Variants in PSME3IP1 observed in about 807,000 individuals in gnomAD.
The protein encoded by PSME3IP1 is proteasome activator subunit 3 interacting protein 1.
A neutral mutation model predicts 34.1 loss-of-function variants in PSME3IP1; 13 were observed. That is an observed-to-expected ratio of 0.38 (90% CI 0.25 to 0.61). The LOEUF (loss-of-function observed/expected upper bound fraction) is 0.61. PSME3IP1 is among the 20% of genes least tolerant of loss of function. PSME3IP1 has a pLI of 0.60. For synonymous variants in PSME3IP1, 93 were observed against 114.3 expected (o/e 0.81, Z 1.19); for missense variants, 237 against 301.4 (o/e 0.79, Z 1.58).
At chr16:57,169,429 A>G (rs751073805) in intron 4 of PSME3IP1, among the ~76,000 whole-genome samples, 14 of 152,212 alleles carry the variant, frequency 9.2e-5, no homozygotes, top group Non-Finnish European at 1.9e-4. Context: ...TAATCCTTCA[A>G]TTCCTATCTC....
chr16:57,176,238 T>A (rs1469242684), intron 1 of PSME3IP1, among the ~76,000 whole-genome samples: 2 of 152,218 alleles, frequency 1.3e-5, no homozygotes, highest in Non-Finnish European at 2.9e-5. Flanking sequence ...GGGAGAGACA[T>A]TCCGAACCCT....
chr16:57,178,441 T>C (rs1328831222), intron 1 of PSME3IP1: 1 of 580,496 alleles, frequency 1.7e-6, no homozygotes, highest in Non-Finnish European at 2.2e-6. Flanking sequence ...GCTCTTTGTC[T>C]CCACAGTGCT....
chr16:57,174,885 C>T (rs569215977), intron 1 of PSME3IP1: 150 of 161,220 alleles, frequency 9.3e-4, no homozygotes, highest in Non-Finnish European at 1.4e-3. Context: ...TTTCTCACTC[C>T]CACAATCACC....
chr16:57,180,488 G>A (rs1391868165), intron 1 of PSME3IP1, among the ~76,000 whole-genome samples: 2 of 152,156 alleles, frequency 1.3e-5, no homozygotes, highest in Non-Finnish European at 2.9e-5. Flanking sequence ...TACCTGGGAG[G>A]CTGAGGCAGG....
At chr16:57,157,331 AAGAAGAAG>A (rs1349481890) in intron 6 of PSME3IP1, among the ~76,000 whole-genome samples, 1 of 136,050 alleles carries the variant, frequency 7.4e-6, no homozygotes, top group East Asian at 3.6e-4. Flanking sequence ...AAAAAAAAAA[AAGAAGAAG>A]AAGAAGAAGA....
At position 57,173,747 on chromosome 16, in the gene PSME3IP1, T is replaced by C; in HGVS notation, c.108A>G (p.Arg36=). The C allele has an allele frequency of 1.2e-6, 2 of 1,614,060 alleles. No homozygotes were observed. Among genetic ancestry groups the C allele is most frequent in the Non-Finnish European group, 1.7e-6 (2 of 1,180,020 alleles). The change falls in exon 2 of 7, where the codon CGA becomes CGG. Residue 36 remains arginine (R), a synonymous_variant. Transcript: ENST00000309137. ...GTATACCTTCTGGATCTTCAGGTTT[T>C]CGAACTTTCTCCCATTCTTCTTGCC... The part of the protein sequence containing the change: ...KRRQEEWEKV[R]KPEDPEECPE...
intron 6 of PSME3IP1, 34 bp downstream of exon 6, chr16:57,163,967 T>C (rs759165698): frequency 3.8e-6 from 6 of 1,598,712 alleles, no homozygotes; most frequent in Non-Finnish European, 5.1e-6. Context: ...ATGTGTATTC[T>C]GAGTACAAGG....
rs138931829 is a variant in PSME3IP1, at chr16:57,166,980, G to C, written c.482+113C>G. On this transcript the variant is annotated intron_variant, in intron 5 of 6. Transcript: ENST00000309137. Reference sequence around the variant, plus strand: ...AGGGAGAGATAGGTGAGCACACCAAGGGAACTTCACCAGGACTCACGCGAG... The same window carrying C: ...AGGGAGAGATAGGTGAGCACACCAACGGAACTTCACCAGGACTCACGCGAG... The C allele has an allele frequency of 3.6e-4, 449 of 1,240,132 alleles. 5 individuals are homozygous for C. In the African/African-American group the frequency reaches 5.5e-3, roughly 15 times the overall value. 76.8% of individuals were successfully genotyped at this position (1,240,132 alleles called of 1,614,324 possible).
chr16:57,182,734 A>G (rs1454584268), intron 1 of PSME3IP1, among the ~76,000 whole-genome samples: 1 of 151,274 alleles, frequency 6.6e-6, no homozygotes. Context: ...ACATGGTGAA[A>G]CTCCGTCTCT....
At chr16:57,169,021 A>T (rs2072252253) in intron 4 of PSME3IP1, among the ~76,000 whole-genome samples, 1 of 152,098 alleles carries the variant, frequency 6.6e-6, no homozygotes, top group Non-Finnish European at 1.5e-5. Flanking sequence ...GACATAGACA[A>T]AACCCAACAT....
rs1229499340 is a variant in PSME3IP1, at chr16:57,154,513, A to T, written c.548-6T>A. 6.3e-7 allele frequency: 1 copy of T among 1,595,392 alleles called. No individual in the cohort carries two copies. The highest frequency in any genetic ancestry group is 8.5e-7 in the Non-Finnish European group (1 of 1,169,620). ...AGACTTGCAGGATGAGGGCTCTGCA[A>T]TAAAAGGGGAAAGACTGTCACTTCA... On this transcript the variant is annotated splice_region_variant and splice_polypyrimidine_tract_variant and intron_variant, in intron 6 of 6. Transcript: ENST00000309137. This position sits in a 1 kb window ranked among gnomAD's most constrained non-coding sequence, Gnocchi z 4.0.
At chr16:57,175,495 C>T (rs1270965428) in intron 1 of PSME3IP1, 7 of 152,176 alleles carry the variant, frequency 4.6e-5, no homozygotes, top group African/African-American at 7.2e-5. Flanking sequence ...TAAGTTTCCA[C>T]GCTACCACAA....
chr16:57,177,268 G>C (rs565865634), intron 1 of PSME3IP1, among the ~76,000 whole-genome samples: 3 of 151,774 alleles, frequency 2.0e-5, no homozygotes, highest in East Asian at 1.9e-4. Flanking sequence ...AATTCAGAGA[G>C]CCTCCTGGGC....
In PSME3IP1 at chr16:57,153,401, C is replaced by T. The variant is rs2070148981; in HGVS notation, c.*889G>A. On this transcript the variant is annotated 3_prime_UTR_variant, in exon 7 of 7. Transcript: ENST00000309137. ...GCCTCAATAGAATGGTCACAATATG[C>T]AAGTGTGTCCCACTCATTTACAATA... 1 of 152,198 alleles carries T rather than the reference C, an allele frequency of 6.6e-6. No individual in the cohort carries two copies. Among genetic ancestry groups the T allele is most frequent in the South Asian group, 2.1e-4 (1 of 4,828 alleles). 9.4% of individuals were successfully genotyped at this position (152,198 alleles called of 1,614,324 possible). A position where few individuals can be genotyped will look rare whatever the true frequency, so the allele number is the denominator to read the frequency against.
intron 5 of PSME3IP1, 91 bp downstream of exon 5, chr16:57,167,002 C>A: frequency 6.7e-7 from 1 of 1,487,490 alleles, no homozygotes; most frequent in Non-Finnish European, 9.2e-7. Context: ...AGGACTCACG[C>A]GAGGCAAGCG....
chr16:57,157,445 T>C (rs372805167), intron 6 of PSME3IP1, among the ~76,000 whole-genome samples: 1 of 151,962 alleles, frequency 6.6e-6, no homozygotes, highest in Non-Finnish European at 1.5e-5. Flanking sequence ...AAAGTTACAA[T>C]CTGGGGCAAA....
intron 1 of PSME3IP1, among the ~76,000 whole-genome samples, chr16:57,175,172 G>A (rs1040278902): frequency 1.3e-5 from 2 of 152,114 alleles, no homozygotes; most frequent in East Asian, 3.9e-4. Context: ...GTGCCAACAC[G>A]CCCAGCTAAT....
intron 4 of PSME3IP1, among the ~76,000 whole-genome samples, chr16:57,168,592 G>A (rs1184965525): frequency 6.6e-5 from 10 of 151,616 alleles, no homozygotes; most frequent in South Asian, 2.1e-4. Context: ...AACTGAGGTC[G>A]GGAGTTCAAG....
chr16:57,171,917 A>C (rs2072630474), intron 4 of PSME3IP1, among the ~76,000 whole-genome samples: 1 of 152,212 alleles, frequency 6.6e-6, no homozygotes, highest in Non-Finnish European at 1.5e-5. Context: ...AAGTTGCTAA[A>C]CATGTTCTTT....
Sources: gnomAD v4.1 joint callset for allele counts (sites outside exome capture counted in the v4.1 genomes callset) on GRCh38, gnomAD v4.1.1 for gene constraint, Gnocchi (gnomAD v3.1) non-coding constraint, MANE v1.5 for transcripts, NCBI Gene and HGNC (gene_info 2026-07-23, HGNC 2026-07-21) for gene names.